The following TMEM202 variants were observed in gnomAD, a reference collection of about 807,000 sequenced individuals.
The protein encoded by TMEM202 is transmembrane protein 202.
Under a neutral mutation model 26.1 loss-of-function variants are expected in TMEM202, and 25 were observed. The observed-to-expected ratio is 0.96, with a 90% CI of 0.70 to 1.34. The LOEUF (loss-of-function observed/expected upper bound fraction) is 1.34. TMEM202 is among the 40% of genes most tolerant of loss of function. The pLI is 0.00. For synonymous variants in TMEM202, 122 were observed against 119.0 expected, an observed-to-expected ratio of 1.02 and a Z score of -0.16; for missense variants, 301 against 327.7, an observed-to-expected ratio of 0.92 and a Z score of 0.63.
rs751915310 is a variant in TMEM202 at position 72,398,314 on chromosome 15, A to G, written c.-13A>G. 6.7e-5 allele frequency: 108 copies of G among 1,607,426 alleles called. No individual in the cohort carries two copies. Among genetic ancestry groups the G allele is most frequent in the Non-Finnish European group, 5.2e-5 (61 of 1,175,994 alleles). On this transcript the variant is annotated 5_prime_UTR_variant, in exon 1 of 5. Transcript: ENST00000341689. Reference sequence around the variant, plus strand: ...AGACAAATTCCGTGGCAGTTAGAGAACTAACTGCCAAGATGGAGCGAAGGG... The same window carrying G: ...AGACAAATTCCGTGGCAGTTAGAGAGCTAACTGCCAAGATGGAGCGAAGGG...
At position 72,398,925 on chromosome 15, in the gene TMEM202, T is replaced by C. The variant is rs1481863373; in HGVS notation, c.337+17T>C. 1 of 1,595,478 alleles carries C rather than the reference T, an allele frequency of 6.3e-7. No homozygotes were observed. The highest frequency in any genetic ancestry group is 8.6e-7 in the Non-Finnish European group (1 of 1,166,334). On this transcript the variant is annotated intron_variant, in intron 2 of 4. Transcript: ENST00000341689. ...AGCCACCCTGTGAGTGCCACCGAATTAAATGCCACAGGCCCCACACAATTG... is the reference window on the plus strand; with the variant it reads ...AGCCACCCTGTGAGTGCCACCGAATCAAATGCCACAGGCCCCACACAATTG...
intron 2 of TMEM202, 101 bp downstream of exon 2, chr15:72,399,009 C>G: frequency 1.4e-6 from 2 of 1,395,288 alleles, no homozygotes; most frequent in East Asian, 2.3e-5. Flanking sequence ...GATCTTTTGG[C>G]CTTCACCTCT....
rs766496912 is a variant in TMEM202 at position 72,407,710 on chromosome 15, CTACTT to C, written c.640_644del (p.Tyr214AsnfsTer8). ...CCGTAGGGATCATCTCTCTTCTCAA[CTACTT>C]AACTTCCAGATCGCCTGCCTGTGAT... On this transcript the variant is annotated frameshift_variant, in exon 5 of 5. Transcript: ENST00000341689. LOFTEE classifies it low-confidence loss of function (END_TRUNC). 3.7e-6 allele frequency: 6 copies of C among 1,613,798 alleles called. No individual in the cohort carries two copies. Among genetic ancestry groups the C allele is most frequent in the Non-Finnish European group, 5.1e-6 (6 of 1,179,840 alleles).
In TMEM202 at chr15:72,398,890, C is replaced by T; in HGVS notation, c.319C>T (p.His107Tyr). The change falls in exon 2 of 5, where the codon CAC becomes TAC. Residue 107 changes from histidine to tyrosine, a missense_variant. Transcript: ENST00000341689. ...ATGCAACCATGAGCTGTGCTGGAGC[C>T]ACACACCCAAGCCACCCTGTGAGTG... ...TLCNHELCWSHTPKPPYYLQY... is the reference protein window; with the variant it reads ...TLCNHELCWSYTPKPPYYLQY... The T allele has an allele frequency of 6.2e-7, 1 of 1,607,110 alleles. No homozygotes were observed.
chr15:72,406,828 T>A, intron 3 of TMEM202, 77 bp downstream of exon 3: 1 of 1,488,690 alleles, frequency 6.7e-7, no homozygotes, highest in African/African-American at 1.4e-5. Flanking sequence ...GGAACTCTCA[T>A]ACTCTTTTTC....
At chr15:72,398,969 C>T in intron 2 of TMEM202, 61 bp downstream of exon 2, 1 of 1,552,560 alleles carries the variant, frequency 6.4e-7, no homozygotes, top group Non-Finnish European at 8.7e-7. Context: ...TCTGCTCACA[C>T]AAATTGGCCC....
chr15:72,399,542 A>T (rs546702998), intron 2 of TMEM202, among the ~76,000 whole-genome samples: 113 of 152,360 alleles, frequency 7.4e-4, no homozygotes, highest in African/African-American at 2.7e-3. Flanking sequence ...TAGCTGGAAG[A>T]TAAAGCAAAT....
chr15:72,400,844 T>C (rs1373201822), intron 2 of TMEM202, among the ~76,000 whole-genome samples: 1 of 152,240 alleles, frequency 6.6e-6, no homozygotes, highest in Non-Finnish European at 1.5e-5. Flanking sequence ...TTTTAATGGC[T>C]ATTTCTTTAT....
At chr15:72,405,923 A>G (rs1375713185) in intron 2 of TMEM202, among the ~76,000 whole-genome samples, 7 of 152,162 alleles carry the variant, frequency 4.6e-5, no homozygotes, top group African/African-American at 7.2e-5. Flanking sequence ...AAATAATAAT[A>G]AAATAAAGAA....
At chr15:72,405,112 G>T (rs1009886268) in intron 2 of TMEM202, among the ~76,000 whole-genome samples, 16 of 152,172 alleles carry the variant, frequency 1.1e-4, no homozygotes, top group African/African-American at 3.6e-4. Context: ...AGAACAAAAT[G>T]AAACAAGGAG....
intron 2 of TMEM202, among the ~76,000 whole-genome samples, chr15:72,403,296 G>T (rs148431814): frequency 1.3e-3 from 202 of 152,202 alleles, no homozygotes; most frequent in African/African-American, 4.8e-3. Flanking sequence ...GGCTGATCCC[G>T]AGAACATCTA....
chr15:72,402,031 T>C (rs2063549845), intron 2 of TMEM202, among the ~76,000 whole-genome samples: 1 of 152,274 alleles, frequency 6.6e-6, no homozygotes, highest in Admixed American at 6.5e-5. Flanking sequence ...AGTGGCGCGA[T>C]CTTGGCTCAC....
At chr15:72,406,843 C>G (rs2063574182) in intron 3 of TMEM202, 92 bp downstream of exon 3, 2 of 1,405,130 alleles carry the variant, frequency 1.4e-6, no homozygotes, top group African/African-American at 1.4e-5. Flanking sequence ...TTTTTCTTAT[C>G]TCTTTGCTCT....
chr15:72,403,394 A>C (rs538917460), intron 2 of TMEM202, among the ~76,000 whole-genome samples: 4 of 152,204 alleles, frequency 2.6e-5, no homozygotes, highest in Non-Finnish European at 5.9e-5. Flanking sequence ...TATTAGTTTC[A>C]GTAAGCTGGG....
In TMEM202 at chr15:72,398,393, C is replaced by T. The variant is rs139212164; in HGVS notation, c.67C>T (p.Arg23Trp). ...SPEVPKIKGN[R>W]KYQRPTVPAK... is the part of the protein sequence containing the mutation. ...TGAGGTTCCCAAAATAAAGGGGAAC[C>T]GGAAATACCAAAGGGTGAGGAGGTA... Residue 23 changes from arginine to tryptophan, a missense_variant, in exon 1 of 5, where the codon CGG (arginine) becomes TGG (tryptophan). Arg to Trp is a moderately radical substitution (Grantham distance 101). Coordinates refer to ENST00000341689, the MANE Select transcript of TMEM202 (RefSeq NM_001080462.3). 4.9e-3 allele frequency: 7,884 copies of T among 1,611,528 alleles called. 28 individuals are homozygous for T. The highest frequency in any genetic ancestry group is 5.9e-3 in the Non-Finnish European group (6,963 of 1,179,054).
intron 2 of TMEM202, among the ~76,000 whole-genome samples, chr15:72,402,566 T>C (rs1410173693): frequency 6.6e-6 from 1 of 152,206 alleles, no homozygotes; most frequent in East Asian, 1.9e-4. Context: ...GAAAGGACAG[T>C]ATTCTTCACT....
chr15:72,404,710 A>G (rs2063563457), intron 2 of TMEM202, among the ~76,000 whole-genome samples: 1 of 152,196 alleles, frequency 6.6e-6, no homozygotes, highest in Non-Finnish European at 1.5e-5. Context: ...AGGAAATCCA[A>G]TTTCTAAGCA....
In TMEM202 at chr15:72,406,596, A is replaced by C; in HGVS notation, c.338-6A>C. 1 of 1,613,320 alleles carries C rather than the reference A, an allele frequency of 6.2e-7. No homozygotes were observed. The highest frequency in any genetic ancestry group is 8.5e-7 in the Non-Finnish European group (1 of 1,179,720). On this transcript the variant is annotated splice_region_variant and splice_polypyrimidine_tract_variant and intron_variant, in intron 2 of 4. Coordinates refer to ENST00000341689, the MANE Select transcript of TMEM202 (RefSeq NM_001080462.3). ...CCACGGTCTTCCTTTCCTCTTCTTC[A>C]TGCAGATTATCTCCAATATTCCAGG...
chr15:72,398,814 G>A lies in TMEM202; in HGVS notation c.243G>A (p.Gln81=), dbSNP rs748204310. ...LIAMSPLNWV[Q]FLVIKNGLEL... is the part of the protein sequence containing the mutation. ...CCATGTCCCCACTGAACTGGGTACA[G>A]TTTCTGGTGATCAAGAATGGCCTTG... is the stretch of plus-strand genomic sequence containing the variant. Residue 81 remains glutamine (Q), a synonymous_variant, in exon 2 of 5, where the codon CAG becomes CAA. Transcript: ENST00000341689. 19 of 1,614,188 alleles carry A rather than the reference G, an allele frequency of 1.2e-5. No homozygotes were observed. The highest frequency in any genetic ancestry group is 1.5e-5 in the Non-Finnish European group (18 of 1,180,044).
Sources: allele counts gnomAD v4.1 joint callset (sites outside exome capture counted in the v4.1 genomes callset), GRCh38; gene constraint gnomAD v4.1.1; transcripts MANE v1.5; gene names NCBI Gene and HGNC (gene_info 2026-07-23, HGNC 2026-07-21).